EDA: variants seen among roughly 807,000 people sequenced by gnomAD.
EDA encodes the protein ectodysplasin A, also known as ectodysplasin-A.
A neutral mutation model predicts 23.6 loss-of-function variants in EDA; 2 were observed. The observed-to-expected ratio is 0.08, with a 90% CI of 0.03 to 0.27. EDA has a LOEUF of 0.27. EDA is among the 10% of genes least tolerant of loss of function. The pLI is 1.00. For missense variants in EDA, 229 were observed against 324.2 expected, an observed-to-expected ratio of 0.71 and a Z score of 2.26; for synonymous variants, 131 against 132.0, an observed-to-expected ratio of 0.99 and a Z score of 0.05.
chrX:69,696,239 CA>C (rs367811835), intron 1 of EDA, among the ~76,000 whole-genome samples: 28 of 89,840 alleles, frequency 3.1e-4, no homozygotes, highest in East Asian at 1.9e-3. Context: ...AACTCTGTCT[CA>C]AAAAAAAAAA....
chrX:69,789,248 G>T (rs968331456), intron 1 of EDA, among the ~76,000 whole-genome samples: 3 of 111,949 alleles, frequency 2.7e-5, no homozygotes, highest in Admixed American at 1.9e-4. Flanking sequence ...GAAATCACCC[G>T]TCTTCTGCAT....
chrX:69,863,555 ATATATATGTGTG>A (rs1346735173), intron 1 of EDA, among the ~76,000 whole-genome samples: 10 of 61,698 alleles, frequency 1.6e-4, no homozygotes, highest in South Asian at 6.9e-4. Flanking sequence ...ACATATATGT[ATATATATGTGTG>A]TATATATGTG....
intron 1 of EDA, among the ~76,000 whole-genome samples, chrX:69,764,458 G>T (rs1218673907): frequency 9.3e-6 from 1 of 107,049 alleles, no homozygotes; most frequent in African/African-American, 3.4e-5. Flanking sequence ...GGCCAGGCTG[G>T]TCTTGAACTC....
intron 1 of EDA, among the ~76,000 whole-genome samples, chrX:69,737,575 A>G (rs2013309210): frequency 1.8e-5 from 2 of 111,946 alleles, no homozygotes; most frequent in Admixed American, 9.5e-5. Flanking sequence ...TAAACCTCCT[A>G]ATTATTGTTA....
chrX:69,787,901 C>T (rs150643320), intron 1 of EDA, among the ~76,000 whole-genome samples: 2 of 110,601 alleles, frequency 1.8e-5, no homozygotes, highest in South Asian at 7.7e-4. Context: ...CAACTTGGCT[C>T]CATTCTCCCC....
chrX:69,742,974 A>G (rs899194177), intron 1 of EDA: 3 of 110,208 alleles, frequency 2.7e-5, no homozygotes, highest in African/African-American at 9.9e-5. Context: ...CCAGTCCAGT[A>G]CTCTTCATCT....
At chrX:69,939,334 G>T (rs977808928) in intron 1 of EDA, among the ~76,000 whole-genome samples, 1 of 111,071 alleles carries the variant, frequency 9.0e-6, no homozygotes, top group Admixed American at 9.5e-5. Context: ...TTATTCCTAG[G>T]TATTGTATTT....
chrX:70,012,998 G>C (rs750793197), intron 2 of EDA, among the ~76,000 whole-genome samples: 190 of 111,970 alleles, frequency 1.7e-3, no homozygotes, highest in African/African-American at 5.9e-3. Flanking sequence ...GGACTATCAT[G>C]GACCTCCAGC....
At chrX:69,741,529 T>C (rs1201194927) in intron 1 of EDA, among the ~76,000 whole-genome samples, 1 of 111,973 alleles carries the variant, frequency 8.9e-6, no homozygotes, top group Non-Finnish European at 1.9e-5. Context: ...TGATGGTTTC[T>C]TTTTCTGATC....
chrX:69,891,896 C>T (rs1471659679), intron 1 of EDA, among the ~76,000 whole-genome samples: 1 of 111,075 alleles, frequency 9.0e-6, no homozygotes, highest in African/African-American at 3.3e-5. Context: ...CCTGTACATC[C>T]TGCACATGTA....
chrX:69,766,017 G>A (rs186120896), intron 1 of EDA, among the ~76,000 whole-genome samples: 11 of 111,834 alleles, frequency 9.8e-5, no homozygotes, highest in African/African-American at 2.6e-4. Context: ...CACTGAGCAC[G>A]ATACCCTTGA....
At chrX:69,792,760 T>G (rs1439089442) in intron 1 of EDA, among the ~76,000 whole-genome samples, 1 of 112,467 alleles carries the variant, frequency 8.9e-6, no homozygotes, top group Non-Finnish European at 1.9e-5. Flanking sequence ...GTTGGCTGTT[T>G]GTATATCTTC....
intron 1 of EDA, among the ~76,000 whole-genome samples, chrX:69,904,640 G>A (rs763606460): frequency 2.7e-5 from 3 of 112,082 alleles, no homozygotes; most frequent in Admixed American, 9.4e-5. Context: ...ATGAGCCATC[G>A]TGCCTGGCCC....
chrX:69,706,538 G>A (rs749345522), intron 1 of EDA, among the ~76,000 whole-genome samples: 1 of 93,494 alleles, frequency 1.1e-5, no homozygotes, highest in African/African-American at 4.0e-5. Context: ...GTGCAGCTTG[G>A]TTTTATACAT....
At chrX:69,931,345 TA>T (rs922993145) in intron 1 of EDA, among the ~76,000 whole-genome samples, 65 of 111,712 alleles carry the variant, frequency 5.8e-4, no homozygotes, top group Non-Finnish European at 1.1e-3. Flanking sequence ...AATGATCTTT[TA>T]AAAAATCAAT....
chrX:69,948,420 TACA>T (rs1265990315), intron 1 of EDA, among the ~76,000 whole-genome samples: 1 of 111,706 alleles, frequency 9.0e-6, no homozygotes, highest in East Asian at 2.8e-4. Context: ...CTGACATATC[TACA>T]ACAAGACATG....
chrX:69,706,885 C>G (rs941756694), intron 1 of EDA, among the ~76,000 whole-genome samples: 7 of 111,526 alleles, frequency 6.3e-5, no homozygotes, highest in African/African-American at 2.3e-4. Flanking sequence ...CACTTCCTGT[C>G]ATGGCCTGGA....
intron 3 of EDA, among the ~76,000 whole-genome samples, chrX:70,023,933 G>A (rs751162171): frequency 1.1e-4 from 12 of 111,865 alleles, no homozygotes; most frequent in Non-Finnish European, 2.3e-4. Context: ...AGTCCCCAGT[G>A]TACTTGCAAT....
chrX:69,830,133 C>A (rs1248497604), intron 1 of EDA, among the ~76,000 whole-genome samples: 1 of 111,389 alleles, frequency 9.0e-6, no homozygotes, highest in Non-Finnish European at 1.9e-5. Context: ...CTTCCCCATG[C>A]ATTTTTTCTA....
Sources: gnomAD v4.1 joint callset for allele counts (sites outside exome capture counted in the v4.1 genomes callset) on GRCh38, gnomAD v4.1.1 for gene constraint, MANE v1.5 for transcripts, NCBI Gene and HGNC (gene_info 2026-07-23, HGNC 2026-07-21) for gene names.